OCA2: variants seen among roughly 807,000 people sequenced by gnomAD.
OCA2 encodes the protein OCA2 melanosomal transmembrane protein.
In OCA2, 77 loss-of-function variants were observed where a neutral mutation model predicts 100.2. That is an observed-to-expected ratio of 0.77 (90% confidence interval 0.64 to 0.93). The LOEUF (loss-of-function observed/expected upper bound fraction) is 0.93, where lower values mean the gene tolerates loss of function less well. Ranked by LOEUF, OCA2 falls within the 40% of genes least tolerant of loss-of-function variation. The pLI is 0.00. For synonymous variants in OCA2, 432 were observed against 439.2 expected (o/e 0.98, Z 0.21); for missense variants, 1,062 against 1,089.1 (o/e 0.98, Z 0.35).
chr15:27,938,459 C>CA (rs1285167668), intron 18 of OCA2, among the ~76,000 whole-genome samples: 1 of 152,156 alleles, frequency 6.6e-6, no homozygotes, highest in Non-Finnish European at 1.5e-5. Context: ...AAAAGTGTTT[C>CA]AATGTATGCA....
intron 2 of OCA2, among the ~76,000 whole-genome samples, chr15:28,042,830 GTGAAAAGTTTTTTCA>G (rs2043244868): frequency 6.6e-6 from 1 of 152,044 alleles, no homozygotes; most frequent in African/African-American, 2.4e-5. Flanking sequence ...GTCTTTACAA[GTGAAAAGTTTTTTCA>G]CTTTCTCTCT....
intron 6 of OCA2, among the ~76,000 whole-genome samples, chr15:28,022,020 A>G (rs1396152656): frequency 6.6e-6 from 1 of 152,212 alleles, no homozygotes; most frequent in Non-Finnish European, 1.5e-5. Flanking sequence ...CTCCAAGCTT[A>G]AACACCACTG....
chr15:27,985,326 C>A, intron 12 of OCA2, 138 bp from the exon 13 acceptor site: 1 of 988,550 alleles, frequency 1.0e-6, no homozygotes, highest in South Asian at 1.4e-5. Context: ...CCCACGGAGT[C>A]CTAGGGGGGC....
chr15:28,010,615 CAAAGA>C (rs2042214754), intron 9 of OCA2, among the ~76,000 whole-genome samples: 1 of 151,870 alleles, frequency 6.6e-6, no homozygotes, highest in Admixed American at 6.6e-5. Flanking sequence ...ACAATTGCTC[CAAAGA>C]AAAGGAAACA....
chr15:28,054,431 G>C (rs1353052013), intron 2 of OCA2, among the ~76,000 whole-genome samples: 4 of 152,170 alleles, frequency 2.6e-5, no homozygotes, highest in Non-Finnish European at 5.9e-5. Context: ...TTGTGGCCAA[G>C]AGGAGCCCCA....
intron 23 of OCA2, among the ~76,000 whole-genome samples, chr15:27,759,683 A>AAAATGACAAGAGAAAGT (rs2030676067): frequency 1.3e-5 from 2 of 152,150 alleles, no homozygotes; most frequent in Non-Finnish European, 2.9e-5. Flanking sequence ...AAAAACTGAC[A>AAAATGACAAGAGAAAGT]AAATGACAAG....
intron 23 of OCA2, among the ~76,000 whole-genome samples, chr15:27,780,409 A>T (rs534974344): frequency 6.6e-6 from 1 of 152,298 alleles, no homozygotes; most frequent in South Asian, 2.1e-4. Flanking sequence ...CCAACACAAT[A>T]GTGCAAGCTT....
chr15:28,041,814 A>G (rs1595869641), intron 2 of OCA2, among the ~76,000 whole-genome samples: 1 of 152,366 alleles, frequency 6.6e-6, no homozygotes, highest in Non-Finnish European at 1.5e-5. Context: ...AAATAGAAGA[A>G]TACACACATG....
chr15:28,022,992 A>G (rs2042641950), intron 5 of OCA2, among the ~76,000 whole-genome samples: 1 of 152,220 alleles, frequency 6.6e-6, no homozygotes, highest in African/African-American at 2.4e-5. Flanking sequence ...AGATTATAGA[A>G]GTTCAAATCA....
In OCA2 at chr15:27,896,361, G is replaced by A. The variant is rs112041055; in HGVS notation, c.2080-24439C>T. 0.011 allele frequency: 8,595 copies of A among 762,508 alleles called. 390 individuals are homozygous for A. In the African/African-American group the frequency reaches 0.11, roughly 10 times the overall value. The allele number at this position is 762,508 out of a possible 1,614,324, so 47.2% of individuals were successfully genotyped here. On this transcript the variant is annotated intron_variant, in intron 19 of 23. Coordinates refer to ENST00000354638, the MANE Select transcript of OCA2 (RefSeq NM_000275.3). ...TGAAGATGCTTACCAGAAACAGTTC[G>A]TTCAATACAGGAAGAACAGTGTAAC... is the stretch of plus-strand genomic sequence containing the variant.
chr15:27,930,685 G>A, intron 18 of OCA2, among the ~76,000 whole-genome samples: 1 of 121,702 alleles, frequency 8.2e-6, no homozygotes, highest in South Asian at 3.1e-4. Flanking sequence ...AAACAGGTCA[G>A]AGACTGCCTG....
At chr15:27,990,269 CA>C (rs1478091588) in intron 10 of OCA2, among the ~76,000 whole-genome samples, 1 of 152,162 alleles carries the variant, frequency 6.6e-6, no homozygotes, top group Non-Finnish European at 1.5e-5. Context: ...CCTCTAGTTC[CA>C]ACACCCAGAT....
the OCA2 span, among the ~76,000 whole-genome samples, chr15:27,726,717 C>T: frequency 6.6e-6 from 1 of 152,036 alleles, no homozygotes; most frequent in Non-Finnish European, 1.5e-5. Flanking sequence ...CAAACCTGCA[C>T]GTTGTGCACA....
chr15:27,725,291 C>T, the OCA2 span, among the ~76,000 whole-genome samples: 1 of 152,222 alleles, frequency 6.6e-6, no homozygotes, highest in Non-Finnish European at 1.5e-5. Context: ...GACCTACCTT[C>T]CTTGACCGGG....
chr15:27,935,521 C>T (rs1463867375), intron 18 of OCA2, among the ~76,000 whole-genome samples: 1 of 152,192 alleles, frequency 6.6e-6, no homozygotes. Flanking sequence ...CAGGCATTTG[C>T]TGGGCATCTC....
chr15:27,838,081 G>C (rs2035221628), intron 23 of OCA2, among the ~76,000 whole-genome samples: 2 of 151,958 alleles, frequency 1.3e-5, no homozygotes, highest in Admixed American at 1.3e-4. Context: ...ATCTAAATAC[G>C]GAAGCTGGTA....
chr15:27,900,691 G>A (rs1433868297), intron 19 of OCA2, among the ~76,000 whole-genome samples: 2 of 152,182 alleles, frequency 1.3e-5, no homozygotes, highest in African/African-American at 4.8e-5. Flanking sequence ...TCCCTCTACT[G>A]TCCAAGATAA....
chr15:27,787,382 T>C (rs1328393457), intron 23 of OCA2, among the ~76,000 whole-genome samples: 2 of 152,180 alleles, frequency 1.3e-5, no homozygotes, highest in East Asian at 3.9e-4. Flanking sequence ...TAGGCCTTAG[T>C]TTTTCCTTAT....
intron 23 of OCA2, among the ~76,000 whole-genome samples, chr15:27,830,235 C>T (rs546463277): frequency 1.3e-5 from 2 of 152,218 alleles, no homozygotes; most frequent in Admixed American, 6.5e-5. Context: ...CAAAACCCCA[C>T]GAGGATTTTT....
Sources: gnomAD v4.1 joint callset for allele counts (sites outside exome capture counted in the v4.1 genomes callset) on GRCh38, gnomAD v4.1.1 for gene constraint, MANE v1.5 for transcripts, NCBI Gene and HGNC (gene_info 2026-07-23, HGNC 2026-07-21) for gene names.